Variants in IL1F10 observed in about 807,000 individuals in gnomAD.
IL1F10 encodes interleukin 1 family member 10.
A neutral mutation model predicts 13.1 loss-of-function variants in IL1F10; 13 were observed. The observed-to-expected ratio is 0.99, with a 90% confidence interval of 0.64 to 1.57. IL1F10 has a LOEUF of 1.57. IL1F10 is among the 40% of genes most tolerant of loss of function. IL1F10 has a pLI of 0.00. For synonymous variants in IL1F10, 78 were observed against 68.2 expected (o/e 1.14, Z -0.71); for missense variants, 191 against 184.1 (o/e 1.04, Z -0.22).
intron 3 of IL1F10, 150 bp downstream of exon 3, chr2:113,074,564 C>A: frequency 9.1e-7 from 1 of 1,102,762 alleles, no homozygotes; most frequent in Non-Finnish European, 1.4e-6. Flanking sequence ...AGCGAGGGGA[C>A]ATGACTCCTG....
chr2:113,072,584 G>T, intron 1 of IL1F10, 127 bp from the exon 2 acceptor site: 2 of 617,918 alleles, frequency 3.2e-6, no homozygotes, highest in Non-Finnish European at 5.7e-6. Context: ...ATTCTGGCAG[G>T]CCAATTATAG....
intron 4 of IL1F10, 72 bp downstream of exon 4, chr2:113,074,922 G>A: frequency 6.5e-7 from 1 of 1,549,810 alleles, no homozygotes; most frequent in Non-Finnish European, 8.8e-7. Context: ...TGGCATCTTT[G>A]TGCCTATCTG....
Position 113,075,395 on chromosome 2 carries a change from C to G in IL1F10, c.*31C>G. ...CAGGAAACTGCGTTTTAGCCTTGTGCCCCCAAACCAAGCTCATCCTGCTCA... is the reference window on the plus strand; with the variant it reads ...CAGGAAACTGCGTTTTAGCCTTGTGGCCCCAAACCAAGCTCATCCTGCTCA... On this transcript the variant is annotated 3_prime_UTR_variant, in exon 5 of 5. Coordinates refer to ENST00000341010, the MANE Select transcript of IL1F10 (RefSeq NM_173161.3). 2 of 1,494,686 alleles carry G rather than the reference C, an allele frequency of 1.3e-6. No individual in the cohort carries two copies. The highest frequency in any genetic ancestry group is 1.8e-6 in the Non-Finnish European group (2 of 1,104,652). 92.6% of individuals were successfully genotyped at this position (1,494,686 alleles called of 1,614,324 possible).
intron 1 of IL1F10, chr2:113,072,505 C>T (rs1417329435): frequency 1.9e-6 from 1 of 519,214 alleles, no homozygotes; most frequent in Non-Finnish European, 3.4e-6. Context: ...TGGACTTGCT[C>T]CCGGATAGCC....
intron 1 of IL1F10, among the ~76,000 whole-genome samples, chr2:113,070,882 T>G (rs1300956212): frequency 9.2e-5 from 14 of 152,200 alleles, no homozygotes; most frequent in Non-Finnish European, 2.1e-4. Flanking sequence ...CATGGCTGAT[T>G]GCTGGAATCA....
chr2:113,074,397 C>G lies in IL1F10; in HGVS notation c.101C>G (p.Ala34Gly). Residue 34 changes from alanine to glycine, a missense_variant, in exon 3 of 5, where the codon GCA becomes GGA. Coordinates refer to ENST00000341010, the MANE Select transcript of IL1F10 (RefSeq NM_173161.3). ...DGQLLVGDPV[A>G]DNCCAEKICI... ...CAGCTGCTGGTGGGAGATCCTGTTG[C>G]AGACAACTGCTGTGCAGGTGAGCTT... The G allele has an allele frequency of 6.2e-7, 1 of 1,613,418 alleles. No homozygotes were observed. The highest frequency in any genetic ancestry group is 8.5e-7 in the Non-Finnish European group (1 of 1,179,420).
intron 3 of IL1F10, 22 bp from the exon 4 acceptor site, chr2:113,074,701 T>G: frequency 6.2e-7 from 1 of 1,613,128 alleles, no homozygotes; most frequent in Non-Finnish European, 8.5e-7. Context: ...GTCCCTTGAC[T>G]CTTCTCTCTC....
intron 1 of IL1F10, chr2:113,072,424 G>A (rs1685850805): frequency 6.6e-6 from 2 of 302,474 alleles, no homozygotes; most frequent in Admixed American, 1.0e-4. Flanking sequence ...TCAGCTATTT[G>A]GGGGAATCTG....
chr2:113,074,506 G>T lies in IL1F10; in HGVS notation c.118+92G>T. On this transcript the variant is annotated intron_variant, in intron 3 of 4. Transcript: ENST00000341010. The stretch of plus-strand genomic sequence containing the variant: ...CCTCCCCAGCAGAGGGTCAGCAGCT[G>T]CCCCCAGTGACAGTGAGAAGGGCCA... The T allele has an allele frequency of 3.4e-6, 4 of 1,160,356 alleles. No homozygotes were observed. In the South Asian group the frequency reaches 3.7e-5, roughly 11 times the overall value. The allele number at this position is 1,160,356 out of a possible 1,614,324, so 71.9% of individuals were successfully genotyped here. A position where few individuals can be genotyped will look rare whatever the true frequency, so the allele number is the denominator to read the frequency against.
At chr2:113,069,922 A>T (rs569962667) in intron 1 of IL1F10, among the ~76,000 whole-genome samples, 1 of 152,336 alleles carries the variant, frequency 6.6e-6, no homozygotes, top group East Asian at 1.9e-4. Context: ...CTTGCTCCAC[A>T]GAAGTTAATA....
rs759330602 is a variant in IL1F10, at chr2:113,075,485, C to T, written c.*121C>T. The T allele has an allele frequency of 1.5e-4, 96 of 649,982 alleles. No homozygotes were observed. The highest frequency in any genetic ancestry group is 2.2e-4 in the Non-Finnish European group (86 of 393,084). 40.3% of individuals were successfully genotyped at this position (649,982 alleles called of 1,614,324 possible). On this transcript the variant is annotated 3_prime_UTR_variant, in exon 5 of 5. Coordinates refer to ENST00000341010, the MANE Select transcript of IL1F10 (RefSeq NM_173161.3). ...CCACATCCTAATCCCAAGATCTGTG[C>T]ATATGTTACCATACATGTCCAAAGA...
At chr2:113,069,615 A>C (rs764648145) in intron 1 of IL1F10, among the ~76,000 whole-genome samples, 9 of 152,200 alleles carry the variant, frequency 5.9e-5, no homozygotes, top group Non-Finnish European at 1.2e-4. Context: ...ATTTGGTTGG[A>C]TATCAGCAGG....
intron 1 of IL1F10, among the ~76,000 whole-genome samples, chr2:113,069,493 G>C (rs1367876207): frequency 6.6e-6 from 1 of 152,248 alleles, no homozygotes; most frequent in Non-Finnish European, 1.5e-5. Context: ...TTGTCAATGA[G>C]TCTCAGGTTT....
Position 113,074,716 on chromosome 2 carries a change from C to T in IL1F10, c.119-7C>T, listed in dbSNP as rs1424578814. 11 of 1,613,194 alleles carry T rather than the reference C, an allele frequency of 6.8e-6. No homozygotes were observed. In the Middle Eastern group the frequency reaches 6.6e-4, roughly 96 times the overall value. ...GTCCCTTGACTCTTCTCTCTCTTCC[C>T]TCCTAGAGAAGATCTGCATACTTCC... On this transcript the variant is annotated splice_region_variant and splice_polypyrimidine_tract_variant and intron_variant, in intron 3 of 4. Transcript: ENST00000341010.
At chr2:113,069,444 T>G (rs1359677217) in intron 1 of IL1F10, among the ~76,000 whole-genome samples, 1 of 152,246 alleles carries the variant, frequency 6.6e-6, no homozygotes, top group Non-Finnish European at 1.5e-5. Flanking sequence ...CTGTAGGGAC[T>G]TGATAAGTTA....
intron 1 of IL1F10, among the ~76,000 whole-genome samples, chr2:113,069,021 T>A (rs1685790045): frequency 2.0e-5 from 3 of 152,176 alleles, no homozygotes; most frequent in Admixed American, 2.0e-4. Flanking sequence ...ATTAATTTGA[T>A]AGAACTAGAT....
rs542168267 is a variant in IL1F10 at position 113,069,190 on chromosome 2, G to A, written c.-29+1174G>A. Among the ~76,000 whole-genome samples, 4 of 152,138 alleles carry A rather than the reference G, an allele frequency of 2.6e-5. No homozygotes were observed. The South Asian group carries it at 8.3e-4, about 32-fold the overall frequency. On this transcript the variant is annotated intron_variant, in intron 1 of 4. Coordinates refer to ENST00000341010, the MANE Select transcript of IL1F10 (RefSeq NM_173161.3). ...TAAGAAAGGAATTATGTCGCCAGGA[G>A]GTGTGGTTTAGTGTCCATGGAGAAG...
In IL1F10 at chr2:113,075,171, T is replaced by A. The variant is rs141551428; in HGVS notation, c.266T>A (p.Leu89Gln). Residue 89 changes from leucine (L) to glutamine (Q), a missense_variant, in exon 5 of 5, where the codon CTG becomes CAG. Leu to Gln is a moderately radical substitution (Grantham distance 113, BLOSUM62 -2). Transcript: ENST00000341010. ...LQLEDVNIEE[L>Q]YKGGEEATRF... ...CCACAGGATGTGAACATTGAGGAAC[T>A]GTACAAAGGTGGTGAAGAGGCCACA... The A allele has an allele frequency of 2.0e-5, 32 of 1,607,888 alleles. No individual in the cohort carries two copies. The highest frequency in any genetic ancestry group is 2.6e-5 in the Non-Finnish European group (31 of 1,176,262).
Position 113,074,390 on chromosome 2 carries a change from C to G in IL1F10, c.94C>G (p.Pro32Ala). 1 of 1,613,764 alleles carries G rather than the reference C, an allele frequency of 6.2e-7. No homozygotes were observed. The highest frequency in any genetic ancestry group is 1.1e-5 in the South Asian group (1 of 91,050). ...AGATGGCCAGCTGCTGGTGGGAGAT[C>G]CTGTTGCAGACAACTGCTGTGCAGG... Reference protein sequence around the residue: ...TRDGQLLVGDPVADNCCAEKI... With the variant: ...TRDGQLLVGDAVADNCCAEKI... Residue 32 changes from proline to alanine, a missense_variant, in exon 3 of 5, where the codon CCT becomes GCT. Pro to Ala is a conservative substitution (Grantham distance 27, BLOSUM62 -1). Coordinates refer to ENST00000341010, the MANE Select transcript of IL1F10 (RefSeq NM_173161.3).
Sources: gnomAD v4.1 joint callset for allele counts (sites outside exome capture counted in the v4.1 genomes callset) on GRCh38, gnomAD v4.1.1 for gene constraint, MANE v1.5 for transcripts, NCBI Gene and HGNC (gene_info 2026-07-23, HGNC 2026-07-21) for gene names.